The following ZMYM1 variants were observed in gnomAD, a reference collection of about 807,000 sequenced individuals.
ZMYM1 encodes the protein zinc finger MYM-type containing 1, also known as zinc finger MYM-type protein 1.
In ZMYM1, 39 loss-of-function variants were observed where a neutral mutation model predicts 60.0. The observed-to-expected ratio is 0.65, with a 90% CI of 0.50 to 0.85. The LOEUF (loss-of-function observed/expected upper bound fraction) is 0.85, where lower values mean the gene tolerates loss of function less well. ZMYM1 is among the 40% of genes least tolerant of loss of function. The pLI, the probability that ZMYM1 is intolerant of heterozygous loss-of-function variation, is 0.00. For synonymous variants in ZMYM1, 413 were observed against 454.0 expected, an observed-to-expected ratio of 0.91 and a Z score of 1.15; for missense variants, 1,171 against 1,309.5, an observed-to-expected ratio of 0.89 and a Z score of 1.63.
rs139225406 is a variant in ZMYM1 at position 35,099,223 on chromosome 1, T to A, written c.419+1657T>A. Among the ~76,000 whole-genome samples the A allele has an allele frequency of 1.6e-3, 244 of 152,342 alleles. 1 individual carries two copies. Among genetic ancestry groups the A allele is most frequent in the African/African-American group, 5.7e-3 (237 of 41,582 alleles). ...TATTATCTGTTGCTTCAGGTCTTAT[T>A]CCATGGCACGTTACTTACCATTCTC... On this transcript the variant is annotated intron_variant, in intron 4 of 9. Transcript: ENST00000359858.
chr1:35,102,259 G>A (rs565786518), intron 4 of ZMYM1, among the ~76,000 whole-genome samples: 1 of 151,932 alleles, frequency 6.6e-6, no homozygotes, highest in Non-Finnish European at 1.5e-5. Context: ...TAGTTGCAAT[G>A]TGGGATCAAA....
intron 1 of ZMYM1, among the ~76,000 whole-genome samples, chr1:35,060,643 C>G (rs1328205122): frequency 1.3e-5 from 2 of 152,112 alleles, no homozygotes. Context: ...CTGCTGTGTC[C>G]TCAGCTCCCA....
At chr1:35,091,298 C>T (rs1334807821) in intron 1 of ZMYM1, among the ~76,000 whole-genome samples, 2 of 151,684 alleles carry the variant, frequency 1.3e-5, no homozygotes, top group East Asian at 1.9e-4. Flanking sequence ...CTGCAAGCTC[C>T]GTCTCCCGGG....
At chr1:35,082,204 G>T (rs1278786563) in intron 1 of ZMYM1, among the ~76,000 whole-genome samples, 2 of 148,672 alleles carry the variant, frequency 1.3e-5, no homozygotes, top group Non-Finnish European at 1.5e-5. Context: ...TGCGGATCTT[G>T]TATTATCCTA....
At chr1:35,062,062 C>T (rs759319375) in intron 1 of ZMYM1, among the ~76,000 whole-genome samples, 7 of 152,036 alleles carry the variant, frequency 4.6e-5, no homozygotes, top group Non-Finnish European at 8.8e-5. Context: ...GAACTCTTGA[C>T]CTCGTGATCT....
chr1:35,114,712 A>G lies in ZMYM1; in HGVS notation c.2882A>G (p.Glu961Gly). The G allele has an allele frequency of 6.3e-7, 1 of 1,576,018 alleles. No individual in the cohort carries two copies. The highest frequency in any genetic ancestry group is 8.6e-7 in the Non-Finnish European group (1 of 1,163,292). ...DNMFFPTSTE[E>G]QYKINIYYQG... ...ATGTTTTTTCCTACTTCAACAGAAG[A>G]ACAATATAAAATTAATATCTATTAC... Residue 961 changes from glutamate to glycine, a missense_variant, in exon 10 of 10, where the codon GAA becomes GGA. By Grantham distance (98) the Glu-to-Gly change is moderately conservative (BLOSUM62 -2). Transcript: ENST00000359858.
chr1:35,063,644 G>A (rs12071811), intron 1 of ZMYM1, among the ~76,000 whole-genome samples: 3 of 151,974 alleles, frequency 2.0e-5, no homozygotes, highest in South Asian at 4.2e-4. Flanking sequence ...ACATAAGGCC[G>A]CAGCTAACAA....
chr1:35,106,533 C>T (rs1199841103), intron 6 of ZMYM1, among the ~76,000 whole-genome samples: 4 of 142,230 alleles, frequency 2.8e-5, no homozygotes, highest in African/African-American at 1.1e-4. Context: ...CTCTTGAACC[C>T]GGGAGGTGGA....
chr1:35,105,988 G>A (rs1176865055), intron 6 of ZMYM1, among the ~76,000 whole-genome samples: 1 of 152,110 alleles, frequency 6.6e-6, no homozygotes, highest in Non-Finnish European at 1.5e-5. Context: ...AGTCATGGTG[G>A]CTTACACCTG....
downstream of ZMYM1, among the ~76,000 whole-genome samples, chr1:35,117,978 G>A (rs535747860): frequency 1.1e-4 from 16 of 151,718 alleles, no homozygotes; most frequent in East Asian, 1.4e-3. Context: ...GGTAGCTCAC[G>A]CCTATAATCC....
Position 35,093,898 on chromosome 1 carries a change from C to A in ZMYM1, c.-74-16C>A. The A allele has an allele frequency of 1.1e-6, 1 of 883,402 alleles. No homozygotes were observed. The highest frequency in any genetic ancestry group is 1.7e-6 in the Non-Finnish European group (1 of 590,750). The allele number at this position is 883,402 out of a possible 1,614,324, so 54.7% of individuals were successfully genotyped here. A position where few individuals can be genotyped will look rare whatever the true frequency, so the allele number is the denominator to read the frequency against. ...CTAATTTTAAAATCAAACTCTTTAT[C>A]AATATTTTATTTTAGGAATCTGGAA... On this transcript the variant is annotated splice_polypyrimidine_tract_variant and intron_variant, in intron 1 of 9. Coordinates refer to ENST00000359858, the MANE Select transcript of ZMYM1 (RefSeq NM_024772.5).
chr1:35,060,883 C>T (rs780284533), intron 1 of ZMYM1, among the ~76,000 whole-genome samples: 22 of 152,228 alleles, frequency 1.4e-4, no homozygotes, highest in Non-Finnish European at 3.1e-4. Flanking sequence ...GTGCTTGAAA[C>T]TCCTGTCCTA....
chr1:35,102,897 A>C (rs1330755315), intron 4 of ZMYM1, among the ~76,000 whole-genome samples: 1 of 152,196 alleles, frequency 6.6e-6, no homozygotes. Flanking sequence ...TTTTAAATGT[A>C]CTTAAGGATG....
At chr1:35,076,929 C>A (rs1642177356), upstream of ZMYM1, among the ~76,000 whole-genome samples, 1 of 145,130 alleles carries the variant, frequency 6.9e-6, no homozygotes, top group East Asian at 2.1e-4. Context: ...GAGCAAAACT[C>A]TGTCTCAAAA....
intron 1 of ZMYM1, among the ~76,000 whole-genome samples, chr1:35,091,868 A>C (rs148641828): frequency 3.4e-4 from 48 of 140,404 alleles, no homozygotes; most frequent in African/African-American, 1.2e-3. Flanking sequence ...TGCCTGAGTG[A>C]CAGAGCGAGA....
At position 35,114,249 on chromosome 1, in the gene ZMYM1, T is replaced by G. The variant is rs1300200809; in HGVS notation, c.2419T>G (p.Ser807Ala). The G allele has an allele frequency of 1.2e-6, 2 of 1,613,710 alleles. No homozygotes were observed. The highest frequency in any genetic ancestry group is 8.5e-7 in the Non-Finnish European group (1 of 1,179,826). ...AACATGCAAGAAACATATATCACAA[T>G]CATGTTGGACAGTCCATGATCGTAC... ...NKTCKKHISQ[S>A]CWTVHDRTLL... Residue 807 changes from serine to alanine, a missense_variant, in exon 10 of 10, where the codon TCA becomes GCA. Transcript: ENST00000359858.
intron 1 of ZMYM1, among the ~76,000 whole-genome samples, chr1:35,070,553 G>C (rs1204699095): frequency 1.3e-5 from 2 of 152,090 alleles, no homozygotes; most frequent in Non-Finnish European, 2.9e-5. Context: ...TCTTCAAACA[G>C]AGACAATTTG....
Position 35,095,800 on chromosome 1 carries a change from A to ATTT in ZMYM1, c.97-11_97-9dup. On this transcript the variant is annotated intron_variant, in intron 2 of 9. Coordinates refer to ENST00000359858, the MANE Select transcript of ZMYM1 (RefSeq NM_024772.5). ...ATTGTATTCACTATTTTTAATTATT[A>ATTT]TTTTTTTTTTCTTTTTAGGAGTATT... 4 of 1,422,422 alleles carry ATTT rather than the reference A, an allele frequency of 2.8e-6. No individual in the cohort carries two copies. The highest frequency in any genetic ancestry group is 3.8e-6 in the Non-Finnish European group (4 of 1,042,720). The allele number at this position is 1,422,422 out of a possible 1,614,324, so 88.1% of individuals were successfully genotyped here. A position where few individuals can be genotyped will look rare whatever the true frequency, so the allele number is the denominator to read the frequency against.
chr1:35,104,319 G>T lies in ZMYM1; in HGVS notation c.444G>T (p.Val148=). Residue 148 remains valine, a synonymous_variant, in exon 5 of 10, where the codon GTG becomes GTT. Coordinates refer to ENST00000359858, the MANE Select transcript of ZMYM1 (RefSeq NM_024772.5). ...CSKDILNPKD[V]ISVQLEDTTS... ...GAGACATTTTAAATCCAAAGGATGTGATTAGTGTCCAGCTGGAAGACACTA... is the reference window on the plus strand; with the variant it reads ...GAGACATTTTAAATCCAAAGGATGTTATTAGTGTCCAGCTGGAAGACACTA... The T allele has an allele frequency of 6.3e-7, 1 of 1,599,092 alleles. No individual in the cohort carries two copies. The highest frequency in any genetic ancestry group is 1.1e-5 in the South Asian group (1 of 89,320).
Sources: allele counts gnomAD v4.1 joint callset (sites outside exome capture counted in the v4.1 genomes callset), GRCh38; gene constraint gnomAD v4.1.1; transcripts MANE v1.5; gene names NCBI Gene and HGNC (gene_info 2026-07-23, HGNC 2026-07-21).